Variants in TMEM255A observed in about 807,000 individuals in gnomAD.
TMEM255A encodes the protein family with sequence similarity 70, member A.
TMEM255A carries 14 observed loss-of-function variants against 23.5 expected under a neutral mutation model. The observed-to-expected ratio is 0.60, with a 90% confidence interval of 0.39 to 0.93. TMEM255A has a LOEUF of 0.93. Among genes scored for constraint, TMEM255A ranks in the 40% least tolerant of loss-of-function variants. TMEM255A has a pLI of 0.00. For missense variants in TMEM255A, 233 were observed against 261.7 expected (o/e 0.89, Z 0.76); for synonymous variants, 104 against 100.3 (o/e 1.04, Z -0.22).
chrX:120,284,536 G>GCACACA (rs199505538), intron 6 of TMEM255A, among the ~76,000 whole-genome samples: 1 of 104,754 alleles, frequency 9.5e-6, no homozygotes, highest in African/African-American at 3.5e-5. Context: ...GCACGTGCAC[G>GCACACA]CACACACACA....
chrX:120,258,222 A>G (rs2057650788), downstream of TMEM255A: 1 of 123,233 alleles, frequency 8.1e-6, no homozygotes, highest in African/African-American at 3.3e-5. Context: ...CTAACTTAAC[A>G]GCACTGGCTT....
intron 3 of TMEM255A, among the ~76,000 whole-genome samples, chrX:120,292,551 G>C (rs1369417423): frequency 9.0e-6 from 1 of 110,884 alleles, no homozygotes; most frequent in Non-Finnish European, 1.9e-5. Context: ...TTGAGGTCAG[G>C]AGCTCAAGAC....
intron 6 of TMEM255A, among the ~76,000 whole-genome samples, chrX:120,279,736 C>T (rs1556020440): frequency 9.0e-6 from 1 of 111,729 alleles, no homozygotes. Context: ...TCTTAGGTTA[C>T]TTACTTTACT....
At chrX:120,294,149 A>T in intron 2 of TMEM255A, 98 bp from the exon 3 acceptor site, 2 of 649,634 alleles carry the variant, frequency 3.1e-6, no homozygotes, top group Non-Finnish European at 4.6e-6. Flanking sequence ...AAAAGAAAAA[A>T]CTGGGCCGGG....
At chrX:120,287,806 T>G (rs1359685743) in intron 4 of TMEM255A, among the ~76,000 whole-genome samples, 3 of 111,681 alleles carry the variant, frequency 2.7e-5, no homozygotes, top group African/African-American at 9.8e-5. Context: ...ACTGCATAGA[T>G]TAGATAAAAT....
At chrX:120,280,664 T>A (rs1368110442) in intron 6 of TMEM255A, among the ~76,000 whole-genome samples, 1 of 111,007 alleles carries the variant, frequency 9.0e-6, no homozygotes, top group Non-Finnish European at 1.9e-5. Flanking sequence ...AAAACACTTT[T>A]AAAAATATGT....
At chrX:120,286,830 C>G (rs781814645) in intron 5 of TMEM255A, among the ~76,000 whole-genome samples, 1 of 111,759 alleles carries the variant, frequency 8.9e-6, no homozygotes, top group South Asian at 3.8e-4. Context: ...CCATCATCCA[C>G]AGAGATGGGG....
At chrX:120,304,230 C>T (rs782479176) in intron 2 of TMEM255A, 119 bp downstream of exon 2, 6 of 792,911 alleles carry the variant, frequency 7.6e-6, no homozygotes, top group Non-Finnish European at 9.1e-6. Context: ...TACAGAGATA[C>T]AAAGGAGGAA....
Position 120,258,840 on chromosome X carries a change from G to A in TMEM255A, c.*2030C>T, listed in dbSNP as rs2147174041. 1 of 112,666 alleles carries A rather than the reference G, an allele frequency of 8.9e-6. No homozygotes were observed. Among genetic ancestry groups the A allele is most frequent in the Admixed American group, 9.5e-5 (1 of 10,582 alleles). 9.3% of individuals were successfully genotyped at this position (112,666 alleles called of 1,213,427 possible). On this transcript the variant is annotated 3_prime_UTR_variant, in exon 9 of 9. Transcript: ENST00000371369. ...AAAGCAGTAAATATTACAAAATGCAGTCAAGATACATATTGGAAATACAAA... is the reference window on the plus strand; with the variant it reads ...AAAGCAGTAAATATTACAAAATGCAATCAAGATACATATTGGAAATACAAA...
intron 1 of TMEM255A, among the ~76,000 whole-genome samples, chrX:120,306,567 G>C (rs1375853300): frequency 2.7e-5 from 3 of 111,995 alleles, no homozygotes; most frequent in Non-Finnish European, 5.6e-5. Flanking sequence ...GCAAAAGAGA[G>C]TGAGAGAACA....
intron 2 of TMEM255A, among the ~76,000 whole-genome samples, chrX:120,299,912 T>G (rs2058022074): frequency 8.9e-6 from 1 of 111,873 alleles, no homozygotes; most frequent in Admixed American, 9.5e-5. Context: ...ATGATCCCTG[T>G]TGTCCCCATC....
At chrX:120,283,820 A>C (rs782530576) in intron 6 of TMEM255A, among the ~76,000 whole-genome samples, 30 of 110,585 alleles carry the variant, frequency 2.7e-4, no homozygotes, top group Non-Finnish European at 5.3e-4. Flanking sequence ...CAACCACTCA[A>C]TTCCATCTTC....
chrX:120,295,194 C>T (rs1292039380), intron 2 of TMEM255A, among the ~76,000 whole-genome samples: 2 of 111,589 alleles, frequency 1.8e-5, no homozygotes, highest in Non-Finnish European at 3.8e-5. Flanking sequence ...GAGAACGGAC[C>T]AATAAATCTT....
rs782614474 is a variant in TMEM255A at position 120,304,398 on chromosome X, G to A, written c.152C>T (p.Thr51Ile). 1 of 1,210,697 alleles carries A rather than the reference G, an allele frequency of 8.3e-7. No homozygotes were observed. The highest frequency in any genetic ancestry group is 1.1e-6 in the Non-Finnish European group (1 of 894,691). Residue 51 changes from threonine to isoleucine, a missense_variant, in exon 2 of 9, where the codon ACC becomes ATC. Transcript: ENST00000371369. ...VLILTVGLAA[T>I]TRTQNVTVGG... ...TACAGTCACATTCTGGGTCCTGGTG[G>A]TTGCAGCAAGGCCCACTGTGAGAAT...
intron 1 of TMEM255A, among the ~76,000 whole-genome samples, chrX:120,305,341 T>C (rs1556026834): frequency 9.1e-6 from 1 of 110,147 alleles, no homozygotes; most frequent in Non-Finnish European, 1.9e-5. Flanking sequence ...AACCGAGCAC[T>C]GTCTCACACT....
intron 4 of TMEM255A, 38 bp from the exon 5 acceptor site, chrX:120,287,260 T>C: frequency 9.0e-7 from 1 of 1,112,147 alleles, no homozygotes; most frequent in Non-Finnish European, 1.2e-6. Flanking sequence ...GGTTTTGACT[T>C]TGGAAAATAA....
chrX:120,278,993 G>A (rs919055563), intron 6 of TMEM255A, among the ~76,000 whole-genome samples: 22 of 111,615 alleles, frequency 2.0e-4, no homozygotes, highest in Non-Finnish European at 2.6e-4. Context: ...AAAGAGAGAT[G>A]GTTAAACATG....
At chrX:120,278,348 T>C (rs1293916910) in intron 6 of TMEM255A, among the ~76,000 whole-genome samples, 2 of 112,359 alleles carry the variant, frequency 1.8e-5, no homozygotes, top group African/African-American at 6.5e-5. Flanking sequence ...TATCGTGTTA[T>C]GGCAGCCCGA....
chrX:120,294,520 C>T (rs1422998558), intron 2 of TMEM255A, among the ~76,000 whole-genome samples: 1 of 111,243 alleles, frequency 9.0e-6, no homozygotes, highest in African/African-American at 3.3e-5. Flanking sequence ...AAGTATTTTT[C>T]CCACCATTTG....
Sources: gnomAD v4.1 joint callset for allele counts (sites outside exome capture counted in the v4.1 genomes callset) on GRCh38, gnomAD v4.1.1 for gene constraint, MANE v1.5 for transcripts, NCBI Gene and HGNC (gene_info 2026-07-23, HGNC 2026-07-21) for gene names.